ZFX: variants seen among roughly 807,000 people sequenced by gnomAD.
ZFX encodes the protein zinc finger X-chromosomal protein.
For missense variants in ZFX, 362 were observed against 628.3 expected, an observed-to-expected ratio of 0.58 and a Z score of 4.53; for synonymous variants, 196 against 226.8, an observed-to-expected ratio of 0.86 and a Z score of 1.22.
chrX:24,153,508 G>A (rs1932457567), intron 3 of ZFX, among the ~76,000 whole-genome samples: 1 of 111,006 alleles, frequency 9.0e-6, no homozygotes, highest in South Asian at 3.8e-4. Flanking sequence ...AATATTCCTA[G>A]GTTTGCTCAT....
intron 4 of ZFX, among the ~76,000 whole-genome samples, chrX:24,178,296 T>C (rs1448449778): frequency 6.7e-5 from 7 of 104,343 alleles, no homozygotes; most frequent in Non-Finnish European, 9.8e-5. Flanking sequence ...CTTTTCTTTT[T>C]TTTTTTTTTT....
At chrX:24,158,473 G>A in intron 3 of ZFX, among the ~76,000 whole-genome samples, 1 of 111,665 alleles carries the variant, frequency 9.0e-6, no homozygotes, top group Middle Eastern at 4.6e-3. Context: ...CCTGTTTCTT[G>A]TTCTGGTTTT....
chrX:24,203,489 C>T (rs1410240844), intron 5 of ZFX, among the ~76,000 whole-genome samples: 1 of 112,313 alleles, frequency 8.9e-6, no homozygotes, highest in East Asian at 2.8e-4. Context: ...CGGGTCCCAG[C>T]GCTGCAGATT....
chrX:24,157,317 G>C (rs1011577773), intron 3 of ZFX, among the ~76,000 whole-genome samples: 1 of 111,795 alleles, frequency 8.9e-6, no homozygotes, highest in Non-Finnish European at 1.9e-5. Flanking sequence ...TATATGTATT[G>C]ATCACGTAAC....
In ZFX at chrX:24,179,779, T is replaced by G. The variant is rs1049287335; in HGVS notation, c.646+9T>G. On this transcript the variant is annotated intron_variant, in intron 5 of 9. Coordinates refer to ENST00000304543, the MANE Select transcript of ZFX (RefSeq NM_003410.4). ...CTACCTTATGATTTCCTGTAAGTCT[T>G]GGGGTACAGTGATTGTCAAAGGTGT... 2.5e-6 allele frequency: 3 copies of G among 1,183,237 alleles called. No individual in the cohort carries two copies. The highest frequency in any genetic ancestry group is 3.4e-6 in the Non-Finnish European group (3 of 881,180).
intron 4 of ZFX, among the ~76,000 whole-genome samples, chrX:24,178,472 G>T (rs1447628818): frequency 9.2e-6 from 1 of 108,376 alleles, no homozygotes; most frequent in African/African-American, 3.4e-5. Flanking sequence ...TGTATTTTTA[G>T]TAGAGGCATG....
At chrX:24,208,004 A>G in intron 7 of ZFX, 149 bp downstream of exon 7, 3 of 901,013 alleles carry the variant, frequency 3.3e-6, no homozygotes, top group South Asian at 2.5e-5. Context: ...TATGCTTATG[A>G]TGTTGCTTTA....
intron 5 of ZFX, among the ~76,000 whole-genome samples, chrX:24,204,706 C>G (rs916615731): frequency 1.8e-5 from 2 of 111,970 alleles, no homozygotes; most frequent in Non-Finnish European, 3.8e-5. Context: ...CAGAAGTTGA[C>G]GAGCCCTGAT....
At chrX:24,186,794 A>G (rs1280413095) in intron 5 of ZFX, among the ~76,000 whole-genome samples, 3 of 111,688 alleles carry the variant, frequency 2.7e-5, no homozygotes, top group Admixed American at 9.5e-5. Context: ...TTTGCAATCT[A>G]GATTTTATGA....
At chrX:24,182,225 T>C (rs1303161049) in intron 5 of ZFX, among the ~76,000 whole-genome samples, 1 of 111,023 alleles carries the variant, frequency 9.0e-6, no homozygotes, top group African/African-American at 3.3e-5. Context: ...GGATGTTTCT[T>C]CTAGGCAGTT....
chrX:24,176,527 G>A (rs1935160324), intron 4 of ZFX, among the ~76,000 whole-genome samples: 1 of 102,724 alleles, frequency 9.7e-6, no homozygotes. Context: ...CCGTCTCCTG[G>A]GTTCAAGGAT....
At chrX:24,151,633 G>GAGTGATGGTGCAGCTC (rs1011254212) in intron 1 of ZFX, 58 bp from the exon 2 acceptor site, 2 of 111,381 alleles carry the variant, frequency 1.8e-5, no homozygotes, top group African/African-American at 6.5e-5. Flanking sequence ...TCAACTAGAA[G>GAGTGATGGTGCAGCTC]AGTGATGGCA....
chrX:24,156,572 A>G (rs1031223382), intron 3 of ZFX, among the ~76,000 whole-genome samples: 19 of 109,793 alleles, frequency 1.7e-4, no homozygotes, highest in African/African-American at 6.0e-4. Context: ...ATATTCCCAC[A>G]TATGTATCTG....
intron 3 of ZFX, among the ~76,000 whole-genome samples, chrX:24,167,655 G>A (rs1288785671): frequency 8.9e-6 from 1 of 112,118 alleles, no homozygotes; most frequent in Non-Finnish European, 1.9e-5. Context: ...TTCAGTAGAT[G>A]GGGTGGAGAT....
At chrX:24,200,982 T>C (rs1452109472) in intron 5 of ZFX, among the ~76,000 whole-genome samples, 1 of 112,610 alleles carries the variant, frequency 8.9e-6, no homozygotes, top group African/African-American at 3.2e-5. Context: ...AGCCTTATTC[T>C]AAAGCTCTAG....
chrX:24,151,687 A>G lies in ZFX; in HGVS notation c.-249-4A>G, dbSNP rs1932158399. ...TTATTTACTTATTTTTTATTTTGAGACAGGTTCTTGCTATATTGCCCCAGG... is the reference window on the plus strand; with the variant it reads ...TTATTTACTTATTTTTTATTTTGAGGCAGGTTCTTGCTATATTGCCCCAGG... On this transcript the variant is annotated splice_polypyrimidine_tract_variant and splice_region_variant and intron_variant, in intron 1 of 9. Coordinates refer to ENST00000304543, the MANE Select transcript of ZFX (RefSeq NM_003410.4). 1 of 111,073 alleles carries G rather than the reference A, an allele frequency of 9.0e-6. No individual in the cohort carries two copies. The highest frequency in any genetic ancestry group is 9.6e-5 in the Admixed American group (1 of 10,456). The allele number at this position is 111,073 out of a possible 1,213,427, so 9.2% of individuals were successfully genotyped here. A position where few individuals can be genotyped will look rare whatever the true frequency, so the allele number is the denominator to read the frequency against.
intron 5 of ZFX, among the ~76,000 whole-genome samples, chrX:24,183,032 A>G (rs1228918902): frequency 8.9e-6 from 1 of 111,839 alleles, no homozygotes; most frequent in Non-Finnish European, 1.9e-5. Flanking sequence ...GCACATATGG[A>G]AGGACTGCAG....
intron 3 of ZFX, among the ~76,000 whole-genome samples, chrX:24,153,743 C>T (rs1932489796): frequency 9.0e-6 from 1 of 111,168 alleles, no homozygotes; most frequent in African/African-American, 3.3e-5. Flanking sequence ...TTTTTTCCTT[C>T]TACACTGTGA....
intron 5 of ZFX, among the ~76,000 whole-genome samples, chrX:24,184,132 T>C (rs1286171050): frequency 9.0e-6 from 1 of 111,625 alleles, no homozygotes; most frequent in East Asian, 2.8e-4. Context: ...TATGCAAATA[T>C]TGCAAAATCC....
Sources: gnomAD v4.1 joint callset for allele counts (sites outside exome capture counted in the v4.1 genomes callset) on GRCh38, gnomAD v4.1.1 for gene constraint, MANE v1.5 for transcripts, NCBI Gene and HGNC (gene_info 2026-07-23, HGNC 2026-07-21) for gene names.